GBE1: variants seen among roughly 807,000 people sequenced by gnomAD.
GBE1 encodes 1,4-alpha-glucan-branching enzyme.
A neutral mutation model predicts 88.8 loss-of-function variants in GBE1; 70 were observed. That is an observed-to-expected ratio of 0.79 (90% confidence interval 0.65 to 0.96). The LOEUF (loss-of-function observed/expected upper bound fraction) is 0.96, where lower values mean the gene tolerates loss of function less well. Ranked by LOEUF, GBE1 falls within the 40% of genes least tolerant of loss-of-function variation. The probability of loss-of-function intolerance (pLI) is 0.00; values close to 1 mark genes in which losing one functional copy is unlikely to be tolerated. For synonymous variants in GBE1, 284 were observed against 300.1 expected, an observed-to-expected ratio of 0.95 and a Z score of 0.56; for missense variants, 872 against 871.0, an observed-to-expected ratio of 1.00 and a Z score of -0.01.
At chr3:81,577,799 T>A (rs1703668514) in intron 12 of GBE1, 126 bp downstream of exon 12, 2 of 702,182 alleles carry the variant, frequency 2.8e-6, no homozygotes, top group Non-Finnish European at 2.2e-6. Context: ...CGACAGTATA[T>A]GAAATAAATA....
chr3:81,632,279 T>G (rs1704524791), intron 7 of GBE1, among the ~76,000 whole-genome samples: 1 of 152,198 alleles, frequency 6.6e-6, no homozygotes, highest in Admixed American at 6.6e-5. Context: ...TATGTGGGCA[T>G]GTGTCTTTAT....
rs1274688887 is a variant in GBE1, at chr3:81,733,462, T to C, written c.144-27849A>G. On this transcript the variant is annotated intron_variant, in intron 1 of 15. Coordinates refer to ENST00000429644, the MANE Select transcript of GBE1 (RefSeq NM_000158.4). This position sits in a 1 kb window ranked among gnomAD's most constrained non-coding sequence, Gnocchi z 4.0. ...AAAACAATCCCCTGCCCCCCATTCA[T>C]GGAAAAATTGTCTTCCACAAAACCA... Among the ~76,000 whole-genome samples the C allele has an allele frequency of 6.6e-6, 1 of 152,152 alleles. No homozygotes were observed. Among genetic ancestry groups the C allele is most frequent in the Non-Finnish European group, 1.5e-5 (1 of 68,022 alleles).
At chr3:81,506,480 T>C (rs1467369369) in intron 14 of GBE1, among the ~76,000 whole-genome samples, 1 of 152,108 alleles carries the variant, frequency 6.6e-6, no homozygotes, top group Non-Finnish European at 1.5e-5. Flanking sequence ...TACCAATAAA[T>C]TAGTTTGAAC....
At position 81,578,066 on chromosome 3, in the gene GBE1, A is replaced by G; in HGVS notation, c.1477T>C (p.Trp493Arg). The part of the protein sequence containing the change: ...ALVGDKSLAF[W>R]LMDAEMYTNM... ...GTATACATTTCGGCATCCATCAACC[A>G]AAATGCCAGCGACTTATCCCCAACC... The change falls in exon 12 of 16, where the codon TGG becomes CGG. Residue 493 changes from tryptophan to arginine, a missense_variant. Coordinates refer to ENST00000429644, the MANE Select transcript of GBE1 (RefSeq NM_000158.4). 6.2e-7 allele frequency: 1 copy of G among 1,607,154 alleles called. No homozygotes were observed. Among genetic ancestry groups the G allele is most frequent in the African/African-American group, 1.3e-5 (1 of 74,820 alleles).
chr3:81,545,614 ATGTGTG>A (rs3083686), intron 12 of GBE1, among the ~76,000 whole-genome samples: 1 of 149,648 alleles, frequency 6.7e-6, no homozygotes, highest in Admixed American at 6.7e-5. Flanking sequence ...TATCAAGCAT[ATGTGTG>A]TGTGTGTGTG....
chr3:81,609,554 G>T (rs1239560164), intron 7 of GBE1, among the ~76,000 whole-genome samples: 2 of 151,874 alleles, frequency 1.3e-5, no homozygotes, highest in Non-Finnish European at 2.9e-5. Flanking sequence ...CTAGGATTTT[G>T]GGGGTTTTTT....
intron 7 of GBE1, among the ~76,000 whole-genome samples, chr3:81,620,119 C>T (rs1308979965): frequency 6.6e-6 from 1 of 151,478 alleles, no homozygotes; most frequent in Non-Finnish European, 1.5e-5. Flanking sequence ...TGACATAAAA[C>T]AGCAATTTAA....
intron 5 of GBE1, among the ~76,000 whole-genome samples, chr3:81,648,299 T>G (rs898707095): frequency 2.0e-5 from 3 of 152,120 alleles, no homozygotes; most frequent in African/African-American, 7.2e-5. Flanking sequence ...AATCAATAAT[T>G]CAGCAATATA....
At chr3:81,561,160 G>A (rs1576149574) in intron 12 of GBE1, among the ~76,000 whole-genome samples, 3 of 151,892 alleles carry the variant, frequency 2.0e-5, no homozygotes, top group Admixed American at 1.3e-4. Flanking sequence ...AGATGATAAC[G>A]TATAAAGTGT....
chr3:81,607,625 ATTATT>A (rs1418208021), intron 7 of GBE1, among the ~76,000 whole-genome samples: 4 of 152,146 alleles, frequency 2.6e-5, no homozygotes. Flanking sequence ...GTCTTGTCAT[ATTATT>A]TTAATTATTT....
chr3:81,737,826 T>C (rs1480822210), intron 1 of GBE1, among the ~76,000 whole-genome samples: 2 of 152,132 alleles, frequency 1.3e-5, no homozygotes, highest in Non-Finnish European at 2.9e-5. Context: ...TATGTATACA[T>C]GTGACATGCT....
intron 14 of GBE1, chr3:81,534,881 A>G (rs2106868937): frequency 4.3e-6 from 1 of 234,102 alleles, no homozygotes; most frequent in South Asian, 7.1e-5. Flanking sequence ...GTATTGGTGG[A>G]TGTGGGGACC....
At chr3:81,637,721 T>C (rs1348470002) in intron 7 of GBE1, among the ~76,000 whole-genome samples, 1 of 152,130 alleles carries the variant, frequency 6.6e-6, no homozygotes, top group Non-Finnish European at 1.5e-5. Context: ...ATTCATGTCA[T>C]GGTTGCTTAG....
At chr3:81,606,234 G>A (rs1704100001) in intron 7 of GBE1, among the ~76,000 whole-genome samples, 1 of 152,162 alleles carries the variant, frequency 6.6e-6, no homozygotes, top group Non-Finnish European at 1.5e-5. Flanking sequence ...TTCAGTCTAT[G>A]CTTTAAAAAT....
intron 7 of GBE1, among the ~76,000 whole-genome samples, chr3:81,618,993 T>G: frequency 6.6e-6 from 1 of 152,214 alleles, no homozygotes; most frequent in African/African-American, 2.4e-5. Flanking sequence ...AAAAAATGAC[T>G]CTTTAAATTA....
intron 2 of GBE1, among the ~76,000 whole-genome samples, chr3:81,689,502 A>G (rs1010578784): frequency 3.3e-5 from 5 of 152,254 alleles, no homozygotes; most frequent in Non-Finnish European, 2.9e-5. Flanking sequence ...CAAACAAAGT[A>G]AATAGTCATG....
At chr3:81,737,420 A>C (rs916775227) in intron 1 of GBE1, among the ~76,000 whole-genome samples, 1 of 136,170 alleles carries the variant, frequency 7.3e-6, no homozygotes, top group African/African-American at 2.8e-5. Flanking sequence ...TATTTATATA[A>C]ATATATATAT....
intron 3 of GBE1, 58 bp downstream of exon 3, chr3:81,670,780 G>T: frequency 3.3e-6 from 3 of 905,094 alleles, no homozygotes; most frequent in South Asian, 1.8e-5. Context: ...ATCAAACTTG[G>T]CAAACAAGAT....
intron 9 of GBE1, among the ~76,000 whole-genome samples, chr3:81,588,818 CA>C (rs1453116527): frequency 4.6e-5 from 7 of 152,124 alleles, no homozygotes; most frequent in Non-Finnish European, 8.8e-5. Flanking sequence ...TGAGACTGAT[CA>C]AAGCCTTCTT....
Sources: gnomAD v4.1 joint callset for allele counts (sites outside exome capture counted in the v4.1 genomes callset) on GRCh38, gnomAD v4.1.1 for gene constraint, Gnocchi (gnomAD v3.1) non-coding constraint, MANE v1.5 for transcripts, NCBI Gene and HGNC (gene_info 2026-07-23, HGNC 2026-07-21) for gene names.